The following HIVEP3 variants were observed in gnomAD, a reference collection of about 807,000 sequenced individuals.
HIVEP3 encodes HIVEP zinc finger 3, also known as transcription factor HIVEP3.
In HIVEP3, 49 loss-of-function variants were observed where a neutral mutation model predicts 152.8. That is an observed-to-expected ratio of 0.32 (90% CI 0.26 to 0.41). The LOEUF is 0.41. Ranked by LOEUF, HIVEP3 falls within the 10% of genes least tolerant of loss-of-function variation. HIVEP3 has a pLI of 1.00. For missense variants in HIVEP3, 2,790 were observed against 3,103.3 expected, an observed-to-expected ratio of 0.90 and a Z score of 2.40; for synonymous variants, 1,269 against 1,289.0, an observed-to-expected ratio of 0.98 and a Z score of 0.33.
At chr1:41,975,199 T>G (rs1194446602) in intron 1 of HIVEP3, among the ~76,000 whole-genome samples, 1 of 152,128 alleles carries the variant, frequency 6.6e-6, no homozygotes, top group Non-Finnish European at 1.5e-5. Flanking sequence ...GTGAATAACA[T>G]CACAGTTCAA....
At chr1:42,004,829 G>A (rs116558599) in intron 1 of HIVEP3, among the ~76,000 whole-genome samples, 247 of 152,242 alleles carry the variant, frequency 1.6e-3, no homozygotes, top group African/African-American at 5.8e-3. Context: ...GTGAAGCCTG[G>A]CAGTCTGTGT....
intron 1 of HIVEP3, among the ~76,000 whole-genome samples, chr1:41,783,382 G>T (rs1014376798): frequency 6.6e-6 from 1 of 152,166 alleles, no homozygotes; most frequent in Non-Finnish European, 1.5e-5. Context: ...AAAGAGAGGG[G>T]GTGGCACGGT....
intron 2 of HIVEP3, among the ~76,000 whole-genome samples, chr1:41,677,400 C>G (rs1194590166): frequency 2.0e-5 from 3 of 152,258 alleles, no homozygotes; most frequent in Non-Finnish European, 4.4e-5. Flanking sequence ...GAGCTCTAAT[C>G]TTAGCTCTGC....
At chr1:41,881,736 C>T (rs1377025445) in intron 1 of HIVEP3, among the ~76,000 whole-genome samples, 2 of 152,166 alleles carry the variant, frequency 1.3e-5, no homozygotes, top group Non-Finnish European at 2.9e-5. Flanking sequence ...ACACTCAGCC[C>T]AGGGCATGCT....
intron 5 of HIVEP3, among the ~76,000 whole-genome samples, chr1:41,556,391 C>A (rs1643967064): frequency 6.6e-6 from 1 of 152,160 alleles, no homozygotes; most frequent in Non-Finnish European, 1.5e-5. Flanking sequence ...GGTTGAATGT[C>A]TTTTCATGTG....
chr1:41,868,197 GT>G lies in HIVEP3; in HGVS notation c.-801+50215del, dbSNP rs56784921. 7.3e-3 allele frequency among the ~76,000 whole-genome samples: 1,069 copies of G among 146,202 alleles called. 23 individuals carry two copies. The highest frequency in any genetic ancestry group is 0.026 in the African/African-American group (1,022 of 39,834). On this transcript the variant is annotated intron_variant, in intron 1 of 8. Coordinates refer to ENST00000372583, the MANE Select transcript of HIVEP3 (RefSeq NM_024503.5). ...AGTAGTTATATAATAGTTTGTGGGG[GT>G]TTTTTTTTTTTTGGTCTTGTTTTTC...
intron 1 of HIVEP3, among the ~76,000 whole-genome samples, chr1:41,712,745 C>T (rs909240891): frequency 6.6e-6 from 1 of 152,196 alleles, no homozygotes; most frequent in Non-Finnish European, 1.5e-5. Context: ...CTGCATGGCC[C>T]GGCAGCCCCT....
chr1:41,791,414 A>G (rs1193935548), intron 1 of HIVEP3, among the ~76,000 whole-genome samples: 1 of 152,220 alleles, frequency 6.6e-6, no homozygotes, highest in Admixed American at 6.5e-5. Flanking sequence ...GTAAGTGAAA[A>G]TCACTGGGTG....
intron 5 of HIVEP3, among the ~76,000 whole-genome samples, chr1:41,553,862 T>C (rs1327016153): frequency 3.3e-5 from 5 of 152,266 alleles, no homozygotes; most frequent in African/African-American, 1.2e-4. Flanking sequence ...TGCCGAGAGA[T>C]CCACTGTTAG....
At chr1:41,528,561 CCCCACCCTCACACA>C in intron 5 of HIVEP3, among the ~76,000 whole-genome samples, 2 of 60,218 alleles carry the variant, frequency 3.3e-5, no homozygotes, top group Non-Finnish European at 6.6e-5. Context: ...CCCTCACACA[CCCCACCCTCACACA>C]CCCCACCCTC....
At chr1:41,819,089 G>T (rs1041442784) in intron 1 of HIVEP3, among the ~76,000 whole-genome samples, 1 of 152,112 alleles carries the variant, frequency 6.6e-6, no homozygotes, top group African/African-American at 2.4e-5. Flanking sequence ...TTGTAGAATC[G>T]TTGTTAAAAT....
At chr1:41,592,976 C>T (rs1644609730) in intron 3 of HIVEP3, among the ~76,000 whole-genome samples, 1 of 152,202 alleles carries the variant, frequency 6.6e-6, no homozygotes, top group African/African-American at 2.4e-5. Flanking sequence ...TCACCACCTC[C>T]ACCCCTGTCC....
Position 41,582,062 on chromosome 1 carries a change from C to T in HIVEP3, c.2736G>A (p.Glu912=), listed in dbSNP as rs376235799. 9 of 1,614,204 alleles carry T rather than the reference C, an allele frequency of 5.6e-6. No homozygotes were observed. Among genetic ancestry groups the T allele is most frequent in the Middle Eastern group, 3.3e-4 (2 of 6,062 alleles). ...TGGACTCCCCTGATGATTGGGCCAT[C>T]TCTGCCAGGCGCAACCTCTTCTTTT... is the stretch of plus-strand genomic sequence containing the variant. ...PPKKKRLRLA[E]MAQSSGESSF... is the part of the protein sequence containing the mutation. Residue 912 remains glutamate (E), a synonymous_variant, in exon 4 of 9, where the codon GAG becomes GAA. Coordinates refer to ENST00000372583, the MANE Select transcript of HIVEP3 (RefSeq NM_024503.5). This position sits in a 1 kb window ranked among gnomAD's most constrained non-coding sequence, Gnocchi z 4.7.
chr1:41,974,211 T>G (rs1645246791), intron 1 of HIVEP3, among the ~76,000 whole-genome samples: 1 of 151,906 alleles, frequency 6.6e-6, no homozygotes, highest in South Asian at 2.1e-4. Context: ...CCCAAAGAGC[T>G]CAGGCAGACT....
intron 3 of HIVEP3, among the ~76,000 whole-genome samples, chr1:41,599,337 G>A (rs939525818): frequency 2.0e-5 from 3 of 152,108 alleles, no homozygotes; most frequent in Non-Finnish European, 2.9e-5. Context: ...ATATCTTCAC[G>A]GAACTTGGGG....
At chr1:41,760,349 C>T (rs916799253) in intron 1 of HIVEP3, among the ~76,000 whole-genome samples, 3 of 152,194 alleles carry the variant, frequency 2.0e-5, no homozygotes, top group African/African-American at 7.2e-5. Flanking sequence ...ACATTTTCAG[C>T]TTGCACCTGG....
At chr1:41,894,802 T>C (rs114492845) in intron 1 of HIVEP3, among the ~76,000 whole-genome samples, 75 of 152,362 alleles carry the variant, frequency 4.9e-4, no homozygotes, top group African/African-American at 1.4e-3. Context: ...GGCCTTTGCA[T>C]GCTGGCTTTG....
intron 1 of HIVEP3, among the ~76,000 whole-genome samples, chr1:41,838,180 G>A (rs1643182558): frequency 1.3e-5 from 2 of 152,154 alleles, no homozygotes; most frequent in African/African-American, 2.4e-5. Flanking sequence ...AATACAAAGA[G>A]ATCTCAGGTA....
At chr1:41,696,326 G>C (rs1295464858) in intron 2 of HIVEP3, among the ~76,000 whole-genome samples, 2 of 152,270 alleles carry the variant, frequency 1.3e-5, no homozygotes, top group African/African-American at 4.8e-5. Flanking sequence ...GGCGCAGCCT[G>C]CTGGGCCACG....
Sources: allele counts gnomAD v4.1 joint callset (sites outside exome capture counted in the v4.1 genomes callset), GRCh38; gene constraint gnomAD v4.1.1; non-coding constraint Gnocchi (gnomAD v3.1); transcripts MANE v1.5; gene names NCBI Gene and HGNC (gene_info 2026-07-23, HGNC 2026-07-21).